FRRS1L: variants seen among roughly 807,000 people sequenced by gnomAD.
FRRS1L encodes the protein ferric chelate reductase 1 like.
Under a neutral mutation model 28.6 loss-of-function variants are expected in FRRS1L, and 22 were observed. The ratio of observed to expected loss-of-function variants is 0.77; its 90% CI spans 0.55 to 1.10. FRRS1L has a LOEUF of 1.10. Among genes scored for constraint, FRRS1L ranks in the 50% least tolerant of loss-of-function variants. The pLI is 0.00. For missense variants in FRRS1L, 380 were observed against 386.9 expected (o/e 0.98, Z 0.15); for synonymous variants, 158 against 151.4 (o/e 1.04, Z -0.32).
At chr9:109,140,907 T>C (rs1354720883) in intron 4 of FRRS1L, 1 of 173,078 alleles carries the variant, frequency 5.8e-6, no homozygotes, top group African/African-American at 2.4e-5. Context: ...CAGACAGACT[T>C]AGGATTGAAT....
intron 1 of FRRS1L, among the ~76,000 whole-genome samples, chr9:109,152,803 C>CCAAA (rs1831349467): frequency 4.1e-5 from 1 of 24,116 alleles, no homozygotes; most frequent in African/African-American, 2.5e-4. Context: ...GACTCCATCT[C>CCAAA]AAAAAAAAAA....
chr9:109,161,257 C>T (rs539348190), intron 1 of FRRS1L, among the ~76,000 whole-genome samples: 8 of 152,242 alleles, frequency 5.3e-5, no homozygotes, highest in African/African-American at 1.9e-4. Context: ...TTTTTCATCA[C>T]TTAAATTGTT....
At chr9:109,158,627 A>T (rs890496428) in intron 1 of FRRS1L, among the ~76,000 whole-genome samples, 1 of 152,188 alleles carries the variant, frequency 6.6e-6, no homozygotes, top group African/African-American at 2.4e-5. Context: ...CACTTAGCAT[A>T]ATATTTTCAA....
chr9:109,143,782 T>C (rs1416249413), intron 3 of FRRS1L, among the ~76,000 whole-genome samples: 1 of 152,110 alleles, frequency 6.6e-6, no homozygotes, highest in Non-Finnish European at 1.5e-5. Context: ...CCCAAAGTTC[T>C]GGGATTGTGA....
intron 1 of FRRS1L, among the ~76,000 whole-genome samples, chr9:109,152,552 C>T (rs1831343891): frequency 1.3e-5 from 2 of 151,598 alleles, no homozygotes; most frequent in Non-Finnish European, 2.9e-5. Flanking sequence ...CACCTGTAAT[C>T]CCAGCACTTT....
intron 1 of FRRS1L, among the ~76,000 whole-genome samples, chr9:109,155,646 G>A (rs1477183883): frequency 6.7e-6 from 1 of 149,820 alleles, no homozygotes; most frequent in Admixed American, 6.7e-5. Flanking sequence ...GGAGGTTGCA[G>A]TGAGCTAAAA....
At chr9:109,162,072 T>G (rs950814246) in intron 1 of FRRS1L, among the ~76,000 whole-genome samples, 1 of 152,186 alleles carries the variant, frequency 6.6e-6, no homozygotes, top group Admixed American at 6.5e-5. Flanking sequence ...TTCCAGCACT[T>G]TGGGGGGCCA....
chr9:109,161,511 T>C (rs767327294), intron 1 of FRRS1L, among the ~76,000 whole-genome samples: 1 of 152,202 alleles, frequency 6.6e-6, no homozygotes, highest in Non-Finnish European at 1.5e-5. Context: ...TATTATTTTA[T>C]AATCCCTTCA....
intron 1 of FRRS1L, among the ~76,000 whole-genome samples, chr9:109,158,766 T>C (rs1831442515): frequency 6.6e-6 from 1 of 152,254 alleles, no homozygotes; most frequent in Non-Finnish European, 1.5e-5. Context: ...TGTTTCCACT[T>C]TTTGGCTATT....
chr9:109,165,129 A>G (rs1023962496), intron 1 of FRRS1L, among the ~76,000 whole-genome samples: 1 of 152,234 alleles, frequency 6.6e-6, no homozygotes, highest in Non-Finnish European at 1.5e-5. Context: ...GTAAAGATAC[A>G]TTAGATGCTT....
chr9:109,156,412 G>A (rs1831404274), intron 1 of FRRS1L, among the ~76,000 whole-genome samples: 1 of 151,592 alleles, frequency 6.6e-6, no homozygotes, highest in Admixed American at 6.6e-5. Context: ...TTTTTGAGAT[G>A]GAGTCTCACT....
Position 109,149,638 on chromosome 9 carries a change from A to G in FRRS1L, c.321T>C (p.Phe107=). 1 of 1,606,904 alleles carries G rather than the reference A, an allele frequency of 6.2e-7. No homozygotes were observed. Among genetic ancestry groups the G allele is most frequent in the South Asian group, 1.1e-5 (1 of 90,880 alleles). ...VDDCGKTKGC[F]RYGKPGCNAE... is the part of the protein sequence containing the mutation. ...ATCCAACCTGCAGTTCCACCAACCT[A>G]AAGCATCCCTTAGTTTTTCCACAGT... is the stretch of plus-strand genomic sequence containing the variant. Residue 107 remains phenylalanine (F), a splice_region_variant and synonymous_variant, in exon 2 of 5, where the codon TTT becomes TTC. Transcript: ENST00000561981.
At chr9:109,161,542 G>A (rs1449346279) in intron 1 of FRRS1L, among the ~76,000 whole-genome samples, 1 of 151,982 alleles carries the variant, frequency 6.6e-6, no homozygotes, top group Non-Finnish European at 1.5e-5. Context: ...AACCATGAAA[G>A]GTGCTTATTT....
chr9:109,161,823 C>G (rs55831709), intron 1 of FRRS1L, among the ~76,000 whole-genome samples: 39,748 of 152,052 alleles, frequency 0.26, 5,532 homozygotes, highest in African/African-American at 0.32. Context: ...GTCTCTTTCC[C>G]GACGGCCTCA....
At chr9:109,163,122 A>T (rs1352462132) in intron 1 of FRRS1L, among the ~76,000 whole-genome samples, 1 of 152,218 alleles carries the variant, frequency 6.6e-6, no homozygotes, top group East Asian at 1.9e-4. Context: ...CTTAGCCAAC[A>T]TCCAACTCAG....
chr9:109,159,165 CTTTTTA>C (rs935254579), intron 1 of FRRS1L, among the ~76,000 whole-genome samples: 8 of 152,074 alleles, frequency 5.3e-5, no homozygotes, highest in Admixed American at 3.3e-4. Context: ...ATTGGATTAT[CTTTTTA>C]TTAAGTTGTA....
In FRRS1L at chr9:109,136,372, TCC is replaced by T. The variant is rs1465399465; in HGVS notation, c.*1081_*1082del. Reference sequence around the variant, plus strand: ...AGTTCAAATTCTAACTGCTAAGAATTCCCTTTTTTTTTTTTTTTAATATCATT... The same window carrying T: ...AGTTCAAATTCTAACTGCTAAGAATTCTTTTTTTTTTTTTTTAATATCATT... On this transcript the variant is annotated 3_prime_UTR_variant, in exon 5 of 5. Coordinates refer to ENST00000561981, the MANE Select transcript of FRRS1L (RefSeq NM_014334.4). 1 of 151,020 alleles carries T rather than the reference TCC, an allele frequency of 6.6e-6. No homozygotes were observed. Among genetic ancestry groups the T allele is most frequent in the Non-Finnish European group, 1.5e-5 (1 of 67,796 alleles). The allele number at this position is 151,020 out of a possible 1,614,324, so 9.4% of individuals were successfully genotyped here. A position where few individuals can be genotyped will look rare whatever the true frequency, so the allele number is the denominator to read the frequency against.
chr9:109,137,490 C>A lies in FRRS1L; in HGVS notation c.847G>T (p.Ala283Ser). 1 of 1,612,166 alleles carries A rather than the reference C, an allele frequency of 6.2e-7. No individual in the cohort carries two copies. Among genetic ancestry groups the A allele is most frequent in the South Asian group, 1.1e-5 (1 of 90,798 alleles). The change falls in exon 5 of 5, where the codon GCT becomes TCT. Residue 283 changes from alanine (A) to serine (S), a missense_variant. Coordinates refer to ENST00000561981, the MANE Select transcript of FRRS1L (RefSeq NM_014334.4). ...CCCATCAATAGGTAGAAGGTCAGAG[C>A]AACAATCAGAAGCAAACAAAATGGA... ...SSPFCLLLIVALTFYLLMGTP is the reference protein window; with the variant it reads ...SSPFCLLLIVSLTFYLLMGTP
At chr9:109,159,108 T>C (rs1016662055) in intron 1 of FRRS1L, among the ~76,000 whole-genome samples, 3 of 152,228 alleles carry the variant, frequency 2.0e-5, no homozygotes, top group Non-Finnish European at 4.4e-5. Flanking sequence ...GCAATTTGTA[T>C]GTCTTCTTTG....
Sources: gnomAD v4.1 joint callset for allele counts (sites outside exome capture counted in the v4.1 genomes callset) on GRCh38, gnomAD v4.1.1 for gene constraint, MANE v1.5 for transcripts, NCBI Gene and HGNC (gene_info 2026-07-23, HGNC 2026-07-21) for gene names.